Variants in MAPKAP1 observed in about 807,000 individuals in gnomAD.
The protein encoded by MAPKAP1 is target of rapamycin complex 2 subunit MAPKAP1.
Under a neutral mutation model 65.7 loss-of-function variants are expected in MAPKAP1, and 20 were observed. The ratio of observed to expected loss-of-function variants is 0.30; its 90% CI spans 0.21 to 0.44. MAPKAP1 has a LOEUF of 0.44. MAPKAP1 is among the 20% of genes least tolerant of loss of function. The pLI is 1.00. For missense variants in MAPKAP1, 423 were observed against 648.0 expected, an observed-to-expected ratio of 0.65 and a Z score of 3.77; for synonymous variants, 222 against 244.3, an observed-to-expected ratio of 0.91 and a Z score of 0.85.
chr9:125,484,703 G>A, intron 8 of MAPKAP1, 120 bp from the exon 9 acceptor site: 1 of 935,852 alleles, frequency 1.1e-6, no homozygotes, highest in Middle Eastern at 2.2e-4. Context: ...AGAAGAAAAG[G>A]CTGAGCGATG....
chr9:125,696,295 C>T lies in MAPKAP1; in HGVS notation c.-70+10676G>A, dbSNP rs912968068. On this transcript the variant is annotated intron_variant, in intron 1 of 11. Coordinates refer to ENST00000265960, the MANE Select transcript of MAPKAP1 (RefSeq NM_001006617.3). Reference sequence around the variant, plus strand: ...CCGTGGTAGTGCATGCCTGTAGTCCCAGCTGCTGGGGAGGAAGAGGTGGGA... The same window carrying T: ...CCGTGGTAGTGCATGCCTGTAGTCCTAGCTGCTGGGGAGGAAGAGGTGGGA... 2.6e-5 allele frequency: 4 copies of T among 151,740 alleles called. No individual in the cohort carries two copies. The East Asian group carries it at 5.8e-4, about 22-fold the overall frequency. The allele number at this position is 151,740 out of a possible 1,614,324, so 9.4% of individuals were successfully genotyped here.
intron 1 of MAPKAP1, among the ~76,000 whole-genome samples, chr9:125,690,436 A>C (rs1444186946): frequency 1.3e-5 from 2 of 152,220 alleles, no homozygotes; most frequent in East Asian, 3.8e-4. Flanking sequence ...GAAAGCAAAC[A>C]ATCTTCGGAC....
intron 4 of MAPKAP1, among the ~76,000 whole-genome samples, chr9:125,610,655 C>T (rs1832572468): frequency 6.6e-6 from 1 of 152,142 alleles, no homozygotes; most frequent in Non-Finnish European, 1.5e-5. Flanking sequence ...GGTAAAACTG[C>T]CTGTCTTCCC....
At chr9:125,482,626 CAACTTT>C (rs1166734260) in intron 9 of MAPKAP1, among the ~76,000 whole-genome samples, 2 of 152,154 alleles carry the variant, frequency 1.3e-5, no homozygotes, top group African/African-American at 4.8e-5. Context: ...TTGGAAACTT[CAACTTT>C]AAGTGAAATG....
chr9:125,494,132 C>G (rs1457376110), intron 8 of MAPKAP1, among the ~76,000 whole-genome samples: 1 of 152,164 alleles, frequency 6.6e-6, no homozygotes, highest in Non-Finnish European at 1.5e-5. Context: ...AAAACTCTTC[C>G]TTAGCGCTCT....
chr9:125,607,759 G>A (rs147471817), intron 4 of MAPKAP1, among the ~76,000 whole-genome samples: 1,701 of 152,150 alleles, frequency 0.011, 39 homozygotes, highest in African/African-American at 0.038. Flanking sequence ...GGGTTCAAGC[G>A]ATTCTCCTGC....
intron 6 of MAPKAP1, among the ~76,000 whole-genome samples, chr9:125,546,156 G>A (rs555997007): frequency 6.6e-6 from 1 of 152,282 alleles, no homozygotes; most frequent in South Asian, 2.1e-4. Context: ...AAACAACAGC[G>A]AAGGGAAGGG....
intron 4 of MAPKAP1, among the ~76,000 whole-genome samples, chr9:125,642,769 TC>T (rs1833615783): frequency 6.6e-6 from 1 of 152,192 alleles, no homozygotes. Context: ...TTCACTATTT[TC>T]TGATTCATCC....
intron 10 of MAPKAP1, among the ~76,000 whole-genome samples, chr9:125,459,419 C>T (rs1312310943): frequency 4.0e-5 from 6 of 151,616 alleles, no homozygotes; most frequent in East Asian, 1.9e-4. Flanking sequence ...GGGTGGCGGC[C>T]GGGCAGAGGC....
intron 4 of MAPKAP1, among the ~76,000 whole-genome samples, chr9:125,656,489 C>T (rs1263016680): frequency 6.6e-6 from 1 of 152,102 alleles, no homozygotes; most frequent in Non-Finnish European, 1.5e-5. Flanking sequence ...TCTTATCCCT[C>T]AGAAACATCA....
At chr9:125,563,750 CTT>C (rs1347130000) in intron 5 of MAPKAP1, among the ~76,000 whole-genome samples, 1 of 151,822 alleles carries the variant, frequency 6.6e-6, no homozygotes, top group African/African-American at 2.4e-5. Context: ...GAGTCTTGCT[CTT>C]GTCACCCAGG....
intron 5 of MAPKAP1, among the ~76,000 whole-genome samples, chr9:125,567,043 G>A (rs1025583411): frequency 3.3e-5 from 5 of 152,112 alleles, no homozygotes; most frequent in Admixed American, 2.0e-4. Context: ...AGTGCATCAC[G>A]GTGTGTGAGT....
chr9:125,694,988 T>C lies in MAPKAP1; in HGVS notation c.-70+11983A>G, dbSNP rs116367737. Among the ~76,000 whole-genome samples, 1,101 of 152,376 alleles carry C rather than the reference T, an allele frequency of 7.2e-3. 17 individuals carry two copies. Among genetic ancestry groups the C allele is most frequent in the African/African-American group, 0.024 (992 of 41,590 alleles). On this transcript the variant is annotated intron_variant, in intron 1 of 11. Transcript: ENST00000265960. ...GTTTAGGATAGATAAATCTCTGTCA[T>C]AGTTCAGACTTAAGTTTTTGTATTT...
At chr9:125,628,049 A>C (rs1184722965) in intron 4 of MAPKAP1, among the ~76,000 whole-genome samples, 1 of 152,228 alleles carries the variant, frequency 6.6e-6, no homozygotes, top group African/African-American at 2.4e-5. Flanking sequence ...TTAGAAAGAT[A>C]AACTGGACAT....
intron 1 of MAPKAP1, among the ~76,000 whole-genome samples, chr9:125,680,278 G>C (rs1588068338): frequency 6.6e-6 from 1 of 151,576 alleles, no homozygotes; most frequent in African/African-American, 2.4e-5. Context: ...ACAACGTCTT[G>C]CCTTTATAAA....
intron 10 of MAPKAP1, among the ~76,000 whole-genome samples, chr9:125,464,012 T>C (rs1853588976): frequency 6.6e-6 from 1 of 151,768 alleles, no homozygotes; most frequent in South Asian, 2.1e-4. Context: ...GTCCCTTGCT[T>C]TTGTTTCAGG....
chr9:125,616,963 TAAG>T (rs1391540348), intron 4 of MAPKAP1, among the ~76,000 whole-genome samples: 1 of 152,246 alleles, frequency 6.6e-6, no homozygotes, highest in Non-Finnish European at 1.5e-5. Flanking sequence ...TAGTAAAGGT[TAAG>T]TATTTTTCTA....
intron 1 of MAPKAP1, among the ~76,000 whole-genome samples, chr9:125,686,893 C>T (rs1008313601): frequency 1.3e-5 from 2 of 151,266 alleles, no homozygotes; most frequent in African/African-American, 2.4e-5. Context: ...GGAGCATGAT[C>T]TCAGCTCACT....
intron 4 of MAPKAP1, among the ~76,000 whole-genome samples, chr9:125,640,229 C>G (rs1833538133): frequency 1.3e-5 from 2 of 152,178 alleles, no homozygotes; most frequent in South Asian, 4.1e-4. Context: ...TCAGCCTCCC[C>G]AGTAGCTGGG....
Sources: gnomAD v4.1 joint callset for allele counts (sites outside exome capture counted in the v4.1 genomes callset) on GRCh38, gnomAD v4.1.1 for gene constraint, MANE v1.5 for transcripts, NCBI Gene and HGNC (gene_info 2026-07-23, HGNC 2026-07-21) for gene names.